The following MALRD1 variants were observed in gnomAD, a reference collection of about 807,000 sequenced individuals.
The protein encoded by MALRD1 is MAM and LDL receptor class A domain containing 1.
MALRD1 carries 247 observed loss-of-function variants against 242.1 expected under a neutral mutation model. The observed-to-expected ratio is 1.02, with a 90% CI of 0.92 to 1.13. The LOEUF is 1.13. Ranked by LOEUF, MALRD1 falls within the 50% of genes most tolerant of loss-of-function variation. The pLI is 0.00. For synonymous variants in MALRD1, 995 were observed against 866.6 expected, an observed-to-expected ratio of 1.15 and a Z score of -2.60; for missense variants, 2,989 against 2,533.1, an observed-to-expected ratio of 1.18 and a Z score of -3.86.
intron 18 of MALRD1, among the ~76,000 whole-genome samples, chr10:19,243,212 C>CCA (rs1554818783): frequency 6.8e-6 from 1 of 146,728 alleles, no homozygotes; most frequent in African/African-American, 2.7e-5. Context: ...TTCTCCCCCG[C>CCA]CACACACACA....
At position 19,730,789 on chromosome 10, in the gene MALRD1, G is replaced by A. The variant is rs1835260830; in HGVS notation, c.6390+8G>A. 1 of 1,536,090 alleles carries A rather than the reference G, an allele frequency of 6.5e-7. No homozygotes were observed. The highest frequency in any genetic ancestry group is 8.7e-7 in the Non-Finnish European group (1 of 1,146,584). ...AACCCAGAGAAAACAGAGGTAAGTG[G>A]CAAGGGTGAACTATATCTTTTCACA... On this transcript the variant is annotated splice_region_variant and intron_variant, in intron 39 of 39. Coordinates refer to ENST00000454679, the MANE Select transcript of MALRD1 (RefSeq NM_001142308.3).
At chr10:19,407,084 A>G (rs969156378) in intron 28 of MALRD1, among the ~76,000 whole-genome samples, 4 of 152,072 alleles carry the variant, frequency 2.6e-5, no homozygotes, top group African/African-American at 2.4e-5. Context: ...CCACGCCCCA[A>G]TTCTGGAATC....
Position 19,267,574 on chromosome 10 carries a change from T to A in MALRD1, c.3079+9803T>A, listed in dbSNP as rs570750089. Reference sequence around the variant, plus strand: ...AGATGAATGTTTATTTCAGTGTGAATCAAAAAGCAAGGGGAACAGTGTCAA... The same window carrying A: ...AGATGAATGTTTATTTCAGTGTGAAACAAAAAGCAAGGGGAACAGTGTCAA... On this transcript the variant is annotated intron_variant, in intron 19 of 39. Transcript: ENST00000454679. Among the ~76,000 whole-genome samples, 6 of 152,218 alleles carry A rather than the reference T, an allele frequency of 3.9e-5. No individual in the cohort carries two copies. The East Asian group carries it at 9.6e-4, about 24-fold the overall frequency.
intron 23 of MALRD1, among the ~76,000 whole-genome samples, chr10:19,330,975 T>C (rs377366519): frequency 6.6e-6 from 1 of 152,200 alleles, no homozygotes; most frequent in East Asian, 1.9e-4. Flanking sequence ...CTTGTATCTT[T>C]TCACTCTTGG....
chr10:19,669,970 G>T (rs760751703), intron 36 of MALRD1, among the ~76,000 whole-genome samples: 1 of 151,890 alleles, frequency 6.6e-6, no homozygotes, highest in Non-Finnish European at 1.5e-5. Context: ...CAAATTCTTC[G>T]TCATCAGAGC....
At chr10:19,256,329 G>A (rs542091981) in intron 18 of MALRD1, among the ~76,000 whole-genome samples, 36 of 152,076 alleles carry the variant, frequency 2.4e-4, no homozygotes, top group South Asian at 8.3e-4. Flanking sequence ...AACAGAATAC[G>A]TTTTTCTGTA....
chr10:19,111,252 C>T (rs1026801483), intron 5 of MALRD1, among the ~76,000 whole-genome samples: 1 of 152,078 alleles, frequency 6.6e-6, no homozygotes, highest in Non-Finnish European at 1.5e-5. Flanking sequence ...AGTGAGATTT[C>T]AGAAAGATGA....
intron 14 of MALRD1, among the ~76,000 whole-genome samples, chr10:19,188,557 T>G (rs1369947017): frequency 6.6e-6 from 1 of 152,212 alleles, no homozygotes; most frequent in African/African-American, 2.4e-5. Context: ...GATCTTTTTT[T>G]GTCTGTGTTC....
intron 18 of MALRD1, among the ~76,000 whole-genome samples, chr10:19,220,631 A>G: frequency 6.6e-6 from 1 of 152,092 alleles, no homozygotes; most frequent in Non-Finnish European, 1.5e-5. Context: ...TTCGACCCAG[A>G]TGCGTTCTAG....
chr10:19,240,425 G>T (rs1206628650), intron 18 of MALRD1, among the ~76,000 whole-genome samples: 4 of 151,878 alleles, frequency 2.6e-5, no homozygotes, highest in Non-Finnish European at 5.9e-5. Flanking sequence ...TATCTAGAAA[G>T]AACCTTAAAG....
At chr10:19,301,922 G>C (rs1020318895) in intron 21 of MALRD1, among the ~76,000 whole-genome samples, 3 of 151,710 alleles carry the variant, frequency 2.0e-5, no homozygotes, top group African/African-American at 7.3e-5. Flanking sequence ...GCCATAAAAA[G>C]ACAGATAACC....
At chr10:19,544,350 A>G (rs1240500663) in intron 32 of MALRD1, among the ~76,000 whole-genome samples, 9 of 151,558 alleles carry the variant, frequency 5.9e-5, no homozygotes, top group Admixed American at 5.9e-4. Flanking sequence ...ACCATACCTG[A>G]CTAATTTTTG....
intron 36 of MALRD1, among the ~76,000 whole-genome samples, chr10:19,655,392 C>G (rs1841094441): frequency 6.6e-6 from 1 of 151,406 alleles, no homozygotes; most frequent in Non-Finnish European, 1.5e-5. Flanking sequence ...ATTTGGCCCT[C>G]CAGATCTTAC....
At chr10:19,581,388 G>T (rs577653814) in intron 33 of MALRD1, among the ~76,000 whole-genome samples, 1,652 of 117,672 alleles carry the variant, frequency 0.014, 43 homozygotes, top group Admixed American at 0.083. Flanking sequence ...CCCCACAACA[G>T]TCCCCAGAGT....
At chr10:19,620,933 C>A (rs1839372862) in intron 36 of MALRD1, among the ~76,000 whole-genome samples, 1 of 150,920 alleles carries the variant, frequency 6.6e-6, no homozygotes, top group South Asian at 2.1e-4. Flanking sequence ...ATTGAGTAAG[C>A]ATATGATGTG....
chr10:19,304,739 A>G (rs1323916122), intron 21 of MALRD1, among the ~76,000 whole-genome samples: 1 of 151,764 alleles, frequency 6.6e-6, no homozygotes, highest in Non-Finnish European at 1.5e-5. Context: ...AGATTTTAGT[A>G]CTTGTCACCT....
At chr10:19,159,313 G>T (rs1258586275) in intron 12 of MALRD1, among the ~76,000 whole-genome samples, 1 of 152,010 alleles carries the variant, frequency 6.6e-6, no homozygotes, top group Admixed American at 6.6e-5. Flanking sequence ...AGGAGCTATA[G>T]ATATCTTAGC....
At chr10:19,049,448 C>A (rs528300902) in intron 1 of MALRD1, among the ~76,000 whole-genome samples, 184 of 152,274 alleles carry the variant, frequency 1.2e-3, no homozygotes, top group Non-Finnish European at 2.3e-3. Flanking sequence ...TTTAAAAGAA[C>A]TCATTAATGC....
At chr10:19,633,840 CT>C (rs1041174965) in intron 36 of MALRD1, 3,144 of 126,446 alleles carry the variant, frequency 0.025, 79 homozygotes, top group African/African-American at 0.086. Context: ...TCTTTTCTTT[CT>C]TTTTTTTTTT....
Sources: gnomAD v4.1 joint callset for allele counts (sites outside exome capture counted in the v4.1 genomes callset) on GRCh38, gnomAD v4.1.1 for gene constraint, MANE v1.5 for transcripts, NCBI Gene and HGNC (gene_info 2026-07-23, HGNC 2026-07-21) for gene names.